The following GALNT13 variants were observed in gnomAD, a reference collection of about 807,000 sequenced individuals.
GALNT13 encodes UDP-GalNAc:polypeptide N-acetylgalactosaminyltransferase 13.
In GALNT13, 28 loss-of-function variants were observed where a neutral mutation model predicts 64.2. That is an observed-to-expected ratio of 0.44 (90% CI 0.32 to 0.60). The LOEUF (loss-of-function observed/expected upper bound fraction) is 0.60. Among genes scored for constraint, GALNT13 ranks in the 20% least tolerant of loss-of-function variants. The probability of loss-of-function intolerance (pLI) is 0.05; values close to 1 mark genes in which losing one functional copy is unlikely to be tolerated. For synonymous variants in GALNT13, 214 were observed against 224.6 expected, an observed-to-expected ratio of 0.95 and a Z score of 0.42; for missense variants, 577 against 669.8, an observed-to-expected ratio of 0.86 and a Z score of 1.53.
At chr2:154,360,058 A>G (rs954200771) in intron 9 of GALNT13, among the ~76,000 whole-genome samples, 10 of 152,160 alleles carry the variant, frequency 6.6e-5, no homozygotes, top group Non-Finnish European at 1.3e-4. Context: ...TGTCCTGGAA[A>G]AATGTTTGAC....
intron 3 of GALNT13, among the ~76,000 whole-genome samples, chr2:154,115,182 A>C (rs909592516): frequency 6.6e-6 from 1 of 152,202 alleles, no homozygotes; most frequent in Non-Finnish European, 1.5e-5. Flanking sequence ...CTTCCTCTAC[A>C]TTAAACCAAG....
the GALNT13 span, among the ~76,000 whole-genome samples, chr2:153,436,748 C>T: frequency 0.074 from 11,304 of 152,132 alleles, 493 homozygotes; most frequent in South Asian, 0.14. Flanking sequence ...AACAGTCTAT[C>T]AATTTTGTTG....
chr2:153,222,972 G>A, the GALNT13 span, among the ~76,000 whole-genome samples: 2 of 152,236 alleles, frequency 1.3e-5, no homozygotes, highest in African/African-American at 4.8e-5. Context: ...CCCTGACTCG[G>A]TGAGGGGGGT....
intron 9 of GALNT13, among the ~76,000 whole-genome samples, chr2:154,322,652 T>A (rs1694687818): frequency 6.6e-6 from 1 of 152,116 alleles, no homozygotes; most frequent in African/African-American, 2.4e-5. Flanking sequence ...TCAAAACTAG[T>A]GGTAGTCAGG....
intron 4 of GALNT13, among the ~76,000 whole-genome samples, chr2:154,172,795 C>G (rs939430962): frequency 6.6e-6 from 1 of 151,582 alleles, no homozygotes; most frequent in African/African-American, 2.4e-5. Context: ...CAAGAAAAAA[C>G]TATACAACAT....
At chr2:154,364,355 A>G (rs905721783) in intron 9 of GALNT13, among the ~76,000 whole-genome samples, 1 of 152,172 alleles carries the variant, frequency 6.6e-6, no homozygotes, top group Non-Finnish European at 1.5e-5. Context: ...GTGTAATATC[A>G]CTTATCCTGT....
the GALNT13 span, among the ~76,000 whole-genome samples, chr2:153,442,031 C>G: frequency 6.6e-6 from 1 of 152,088 alleles, no homozygotes; most frequent in Admixed American, 6.6e-5. Flanking sequence ...TGCCAGTTTT[C>G]AAAGGGAATG....
chr2:154,369,854 G>A (rs190765227), intron 9 of GALNT13, among the ~76,000 whole-genome samples: 26 of 152,230 alleles, frequency 1.7e-4, no homozygotes, highest in African/African-American at 6.3e-4. Context: ...GCTTCTCGCT[G>A]TGTGCTCACA....
chr2:154,445,475 T>C (rs376745655), intron 12 of GALNT13, among the ~76,000 whole-genome samples: 16 of 152,046 alleles, frequency 1.1e-4, no homozygotes, highest in African/African-American at 3.4e-4. Flanking sequence ...GAGGATGATC[T>C]AGCCTAGCAG....
chr2:153,266,179 T>A, the GALNT13 span, among the ~76,000 whole-genome samples: 2 of 152,160 alleles, frequency 1.3e-5, no homozygotes, highest in Non-Finnish European at 2.9e-5. Flanking sequence ...TGTTTGTATA[T>A]AAAATAGTGA....
At chr2:153,989,423 A>G (rs1459319246) in intron 3 of GALNT13, among the ~76,000 whole-genome samples, 1 of 151,920 alleles carries the variant, frequency 6.6e-6, no homozygotes, top group African/African-American at 2.4e-5. Flanking sequence ...GGCACCAATC[A>G]TGATATATAT....
At chr2:153,839,855 G>A in the GALNT13 span, among the ~76,000 whole-genome samples, 6 of 151,976 alleles carry the variant, frequency 3.9e-5, no homozygotes, top group East Asian at 1.9e-4. Context: ...CTTCAAAACC[G>A]GGAGTAAATA....
At chr2:153,070,181 T>C in the GALNT13 span, among the ~76,000 whole-genome samples, 5 of 152,098 alleles carry the variant, frequency 3.3e-5, no homozygotes, top group Non-Finnish European at 7.3e-5. Flanking sequence ...TGGAGAAACC[T>C]TAAATATTGC....
chr2:154,316,785 A>T (rs1237900576), intron 9 of GALNT13, among the ~76,000 whole-genome samples: 1 of 152,186 alleles, frequency 6.6e-6, no homozygotes, highest in Non-Finnish European at 1.5e-5. Context: ...TTACCTCCCA[A>T]AGGCCCCCCT....
the GALNT13 span, among the ~76,000 whole-genome samples, chr2:153,408,048 A>T: frequency 6.6e-6 from 1 of 152,190 alleles, no homozygotes; most frequent in Non-Finnish European, 1.5e-5. Flanking sequence ...TCTGAGCGGG[A>T]GTGGATAGGA....
the GALNT13 span, among the ~76,000 whole-genome samples, chr2:153,655,707 A>G: frequency 3.9e-5 from 6 of 152,190 alleles, no homozygotes; most frequent in African/African-American, 1.4e-4. Context: ...GGCATTTGAT[A>G]GAAGCCGGGA....
intron 4 of GALNT13, among the ~76,000 whole-genome samples, chr2:154,223,720 T>C (rs1234178095): frequency 2.0e-5 from 3 of 152,128 alleles, no homozygotes; most frequent in African/African-American, 7.2e-5. Flanking sequence ...AATTATCTTA[T>C]CTCAGGTAAA....
At chr2:153,093,236 C>CTTTTTTTTTTTTTTTTT in the GALNT13 span, among the ~76,000 whole-genome samples, 6 of 129,008 alleles carry the variant, frequency 4.7e-5, no homozygotes, top group South Asian at 2.4e-4. Context: ...TTTTTCTTTT[C>CTTTTTTTTTTTTTTTTT]TTTTCTTTTT....
Position 153,944,552 on chromosome 2 carries a change from C to T in GALNT13, c.55C>T (p.Leu19Phe). 1 of 1,613,518 alleles carries T rather than the reference C, an allele frequency of 6.2e-7. No homozygotes were observed. The highest frequency in any genetic ancestry group is 8.5e-7 in the Non-Finnish European group (1 of 1,179,582). ...VVLATSLMWV[L>F]VDVFLLLYFS... Reference sequence around the variant, plus strand: ...TCTAGCCACTTCGCTGATGTGGGTTCTTGTTGATGTCTTCTTACTGCTGTA... The same window carrying T: ...TCTAGCCACTTCGCTGATGTGGGTTTTTGTTGATGTCTTCTTACTGCTGTA... The change falls in exon 3 of 13, where the codon CTT becomes TTT. Residue 19 changes from leucine to phenylalanine, a missense_variant. Leu to Phe is a conservative substitution (Grantham distance 22). This residue lies in a region of GALNT13 where 341 missense variants were observed against 379.3 expected (regional missense o/e 0.90). Transcript: ENST00000392825.
Sources: gnomAD v4.1 joint callset for allele counts (sites outside exome capture counted in the v4.1 genomes callset) on GRCh38, gnomAD v4.1.1 for gene constraint, gnomAD v4.1.1 regional missense constraint, MANE v1.5 for transcripts, NCBI Gene and HGNC (gene_info 2026-07-23, HGNC 2026-07-21) for gene names.